FRRS1: variants seen among roughly 807,000 people sequenced by gnomAD.
FRRS1 encodes ferric reductase 1.
In FRRS1, 51 loss-of-function variants were observed where a neutral mutation model predicts 70.7. The observed-to-expected ratio is 0.72, with a 90% CI of 0.58 to 0.91. FRRS1 has a LOEUF of 0.91. Ranked by LOEUF, FRRS1 falls within the 40% of genes least tolerant of loss-of-function variation. FRRS1 has a pLI of 0.00. For missense variants in FRRS1, 672 were observed against 726.0 expected, an observed-to-expected ratio of 0.93 and a Z score of 0.86; for synonymous variants, 225 against 238.7, an observed-to-expected ratio of 0.94 and a Z score of 0.53.
chr1:99,758,312 TC>T (rs1656941227), intron 1 of FRRS1, among the ~76,000 whole-genome samples: 1 of 152,242 alleles, frequency 6.6e-6, no homozygotes, highest in Admixed American at 6.5e-5. Flanking sequence ...GGTTTTTCTT[TC>T]ACATATTGCT....
At chr1:99,759,136 C>G (rs946693063) in intron 1 of FRRS1, among the ~76,000 whole-genome samples, 2 of 152,056 alleles carry the variant, frequency 1.3e-5, no homozygotes, top group African/African-American at 4.8e-5. Context: ...TTTGTTAGAC[C>G]CTTATTAGTA....
chr1:99,719,392 A>C, intron 10 of FRRS1, 142 bp downstream of exon 10: 1 of 531,300 alleles, frequency 1.9e-6, no homozygotes, highest in Admixed American at 3.9e-5. Context: ...CTGGTGACAG[A>C]GCGAGACTCC....
chr1:99,717,641 A>G (rs983440746), intron 10 of FRRS1, 116 bp from the exon 11 acceptor site: 40 of 696,142 alleles, frequency 5.7e-5, no homozygotes, highest in Admixed American at 1.2e-4. Context: ...TTCAGCTGAC[A>G]TAAGTACAAC....
intron 5 of FRRS1, among the ~76,000 whole-genome samples, chr1:99,741,446 A>G (rs76071786): frequency 6.6e-6 from 1 of 152,362 alleles, no homozygotes; most frequent in East Asian, 1.9e-4. Flanking sequence ...ACCCACGCAC[A>G]AAGTGAAGAA....
rs746780522 is a variant in FRRS1, at chr1:99,715,648, T to G, written c.1261A>C (p.Thr421Pro). The G allele has an allele frequency of 1.7e-5, 27 of 1,613,206 alleles. No individual in the cohort carries two copies. Among genetic ancestry groups the G allele is most frequent in the Non-Finnish European group, 2.1e-5 (25 of 1,179,338 alleles). The stretch of plus-strand genomic sequence containing the variant: ...AAAGCAATGCAGGTGAGGACAGTTG[T>G]GGTGAACATGAGCATCCGATGCACC... Reference protein sequence around the residue: ...FQVHRMLMFTTTVLTCIAFVM... With the variant: ...FQVHRMLMFTPTVLTCIAFVM... Residue 421 changes from threonine (T) to proline (P), a missense_variant, in exon 12 of 17, where the codon ACA becomes CCA. Physicochemically the swap from Thr to Pro is conservative, Grantham distance 38. Transcript: ENST00000646001.
At chr1:99,749,274 C>G (rs1410090114) in intron 1 of FRRS1, among the ~76,000 whole-genome samples, 1 of 152,190 alleles carries the variant, frequency 6.6e-6, no homozygotes, top group South Asian at 2.1e-4. Flanking sequence ...GATCCGCCCA[C>G]CTTGGCCTCC....
At chr1:99,709,378 C>G (rs1376489640) in intron 15 of FRRS1, 119 bp from the exon 16 acceptor site, 2 of 676,962 alleles carry the variant, frequency 3.0e-6, no homozygotes, top group East Asian at 5.4e-5. Context: ...TCTCCCACTC[C>G]AAACTACTAA....
chr1:99,716,907 T>C (rs1654559038), intron 11 of FRRS1, among the ~76,000 whole-genome samples: 1 of 152,202 alleles, frequency 6.6e-6, no homozygotes, highest in African/African-American at 2.4e-5. Context: ...ACACGTTCAG[T>C]TTCTCTTTCC....
chr1:99,711,507 C>T (rs1292987623), intron 14 of FRRS1: 1 of 152,746 alleles, frequency 6.5e-6, no homozygotes. Flanking sequence ...AAGAGATGCA[C>T]CCACATTTTC....
chr1:99,729,843 T>C (rs1655258406), intron 7 of FRRS1, 95 bp from the exon 8 acceptor site: 3 of 721,906 alleles, frequency 4.2e-6, no homozygotes, highest in Admixed American at 2.3e-5. Flanking sequence ...CCAAATATTA[T>C]GTGATGCTTT....
intron 14 of FRRS1, 146 bp downstream of exon 14, chr1:99,711,959 T>A (rs1654291677): frequency 1.7e-6 from 1 of 601,824 alleles, no homozygotes; most frequent in Non-Finnish European, 3.0e-6. Context: ...AATTACTTTC[T>A]GGATTTCAAC....
chr1:99,710,068 C>A (rs1427565758), intron 15 of FRRS1, among the ~76,000 whole-genome samples: 2 of 152,168 alleles, frequency 1.3e-5, no homozygotes, highest in Admixed American at 6.5e-5. Context: ...AGTAGCAGGA[C>A]AGATATGTAC....
At chr1:99,740,432 T>C (rs1655899999) in intron 6 of FRRS1, among the ~76,000 whole-genome samples, 1 of 152,218 alleles carries the variant, frequency 6.6e-6, no homozygotes, top group South Asian at 2.1e-4. Flanking sequence ...GCACAGCTAC[T>C]TCTCTATGCA....
rs1201473776 is a variant in FRRS1, at chr1:99,755,844, C to T, written c.-105-6843G>A. Among the ~76,000 whole-genome samples the T allele has an allele frequency of 7.2e-5, 11 of 152,310 alleles. No homozygotes were observed. The East Asian group carries it at 2.1e-3, about 29-fold the overall frequency. On this transcript the variant is annotated intron_variant, in intron 1 of 16. Transcript: ENST00000646001. ...AAGGGAAGTGACTAAGACACCACCACCCATCATCGATTAGGAAAATATAAC... is the reference window on the plus strand; with the variant it reads ...AAGGGAAGTGACTAAGACACCACCATCCATCATCGATTAGGAAAATATAAC...
At position 99,709,054 on chromosome 1, in the gene FRRS1, A is replaced by G; in HGVS notation, c.1753T>C (p.Phe585Leu). Residue 585 changes from phenylalanine (F) to leucine (L), a missense_variant, in exon 17 of 17, where the codon TTT becomes CTT. Physicochemically the swap from Phe to Leu is conservative, Grantham distance 22. Coordinates refer to ENST00000646001, the MANE Select transcript of FRRS1 (RefSeq NM_001361041.2). Reference sequence around the variant, plus strand: ...CATAGATGGTTGATTGCAGATAAAAATATGATGAGAAAAGTAACATTCCCA... The same window carrying G: ...CATAGATGGTTGATTGCAGATAAAAGTATGATGAGAAAAGTAACATTCCCA... ...VCGNVTFLII[F>L]LSAINHL 1 of 1,614,102 alleles carries G rather than the reference A, an allele frequency of 6.2e-7. No individual in the cohort carries two copies. Among genetic ancestry groups the G allele is most frequent in the South Asian group, 1.1e-5 (1 of 91,072 alleles).
chr1:99,727,666 T>C (rs1655136911), intron 9 of FRRS1, among the ~76,000 whole-genome samples: 3 of 152,346 alleles, frequency 2.0e-5, no homozygotes, highest in South Asian at 4.1e-4. Context: ...CTCTCCACTC[T>C]AGACATCTAC....
intron 15 of FRRS1, among the ~76,000 whole-genome samples, chr1:99,709,945 A>G (rs1654195463): frequency 6.6e-6 from 1 of 152,120 alleles, no homozygotes; most frequent in Non-Finnish European, 1.5e-5. Context: ...TCCAGCCTAA[A>G]TGACAGAGTG....
intron 4 of FRRS1, among the ~76,000 whole-genome samples, chr1:99,743,778 G>A (rs932206428): frequency 2.6e-5 from 4 of 152,074 alleles, no homozygotes; most frequent in Admixed American, 6.6e-5. Flanking sequence ...TCAAACTCCT[G>A]AGCTCAAGCA....
chr1:99,746,646 G>A (rs773830811), intron 4 of FRRS1, among the ~76,000 whole-genome samples: 9 of 152,188 alleles, frequency 5.9e-5, no homozygotes, highest in Non-Finnish European at 1.0e-4. Flanking sequence ...TGAGGACTAT[G>A]GAGAAGAAGC....
Sources: gnomAD v4.1 joint callset for allele counts (sites outside exome capture counted in the v4.1 genomes callset) on GRCh38, gnomAD v4.1.1 for gene constraint, MANE v1.5 for transcripts, NCBI Gene and HGNC (gene_info 2026-07-23, HGNC 2026-07-21) for gene names.